EMID1: variants seen among roughly 807,000 people sequenced by gnomAD.
EMID1 encodes the protein EMI domain containing 1, also known as EMI domain-containing protein 1.
EMID1 carries 40 observed loss-of-function variants against 60.6 expected under a neutral mutation model. The ratio of observed to expected loss-of-function variants is 0.66; its 90% CI spans 0.51 to 0.86. The LOEUF is 0.86. Among genes scored for constraint, EMID1 ranks in the 40% least tolerant of loss-of-function variants. The pLI, the probability that EMID1 is intolerant of heterozygous loss-of-function variation, is 0.00. For missense variants in EMID1, 585 were observed against 597.1 expected (o/e 0.98, Z 0.21); for synonymous variants, 242 against 231.0 (o/e 1.05, Z -0.43).
rs1032375783 is a variant in EMID1 at position 29,210,844 on chromosome 22, CGT to C, written c.102-4070_102-4069del. Among the ~76,000 whole-genome samples, 4 of 151,922 alleles carry C rather than the reference CGT, an allele frequency of 2.6e-5. No individual in the cohort carries two copies. In the South Asian group the frequency reaches 8.3e-4, roughly 32 times the overall value. On this transcript the variant is annotated intron_variant, in intron 1 of 14. Transcript: ENST00000334018. ...CTGGGCATGTGAGGGCTGTTGTCCACGTGTGTGTGTGTGAGGGCAGATGGCTC... is the reference window on the plus strand; with the variant it reads ...CTGGGCATGTGAGGGCTGTTGTCCACGTGTGTGTGTGAGGGCAGATGGCTC...
intron 13 of EMID1, among the ~76,000 whole-genome samples, chr22:29,253,578 G>C (rs1023549149): frequency 6.6e-6 from 1 of 151,892 alleles, no homozygotes; most frequent in African/African-American, 2.4e-5. Flanking sequence ...GCAAAACTTC[G>C]TCTCAAAAAA....
chr22:29,206,272 C>T (rs2039648649), intron 1 of EMID1, 133 bp downstream of exon 1: 1 of 716,040 alleles, frequency 1.4e-6, no homozygotes, highest in African/African-American at 1.9e-5. Context: ...CACGGCCATC[C>T]CGCGGTCCGG....
chr22:29,218,669 C>T (rs2040174954), intron 3 of EMID1, among the ~76,000 whole-genome samples: 1 of 152,202 alleles, frequency 6.6e-6, no homozygotes, highest in Non-Finnish European at 1.5e-5. Flanking sequence ...GGCGCAATGC[C>T]AGGGCCATGT....
At chr22:29,231,465 A>C in intron 6 of EMID1, 128 bp from the exon 7 acceptor site, 3 of 1,017,278 alleles carry the variant, frequency 2.9e-6, no homozygotes, top group South Asian at 1.4e-5. Context: ...CAGGGCTGCC[A>C]GGAGCCATAG....
At chr22:29,216,486 T>G in intron 3 of EMID1, 1 of 985,326 alleles carries the variant, frequency 1.0e-6, no homozygotes, top group African/African-American at 1.7e-5. Context: ...CAGAGACAGC[T>G]CAAGGGACAG....
intron 1 of EMID1, among the ~76,000 whole-genome samples, chr22:29,208,068 G>A (rs556672380): frequency 6.6e-6 from 1 of 152,322 alleles, no homozygotes; most frequent in South Asian, 2.1e-4. Context: ...GGCCTCACCT[G>A]CAGTGGTTCC....
chr22:29,239,396 G>C (rs2041074971), intron 12 of EMID1, among the ~76,000 whole-genome samples: 1 of 151,844 alleles, frequency 6.6e-6, no homozygotes, highest in African/African-American at 2.4e-5. Context: ...CTCCCAAAGT[G>C]TTGGGATTAC....
intron 12 of EMID1, among the ~76,000 whole-genome samples, chr22:29,239,352 A>G (rs1049084014): frequency 8.9e-6 from 1 of 111,976 alleles, no homozygotes; most frequent in Admixed American, 8.3e-5. Context: ...GCTGGTCTCA[A>G]ACTCCTGAGT....
chr22:29,237,125 G>A (rs1004966145), intron 12 of EMID1, among the ~76,000 whole-genome samples: 2 of 146,164 alleles, frequency 1.4e-5, no homozygotes, highest in Non-Finnish European at 3.0e-5. Flanking sequence ...CTTGTTCTTT[G>A]TTCCTATTTT....
chr22:29,226,265 G>C lies in EMID1; in HGVS notation c.404-225G>C, dbSNP rs59120691. Among the ~76,000 whole-genome samples, 5,991 of 152,276 alleles carry C rather than the reference G, an allele frequency of 0.039. 406 individuals carry two copies. The highest frequency in any genetic ancestry group is 0.13 in the African/African-American group (5,592 of 41,536). ...GGTCAGGTCCCTGGTCCTGCTGCCGGAGAAGCAGGCCACTCTGGAGGCTCC... is the reference window on the plus strand; with the variant it reads ...GGTCAGGTCCCTGGTCCTGCTGCCGCAGAAGCAGGCCACTCTGGAGGCTCC... On this transcript the variant is annotated intron_variant, in intron 4 of 14. Transcript: ENST00000334018.
At chr22:29,256,786 G>C (rs2041723890) in intron 14 of EMID1, among the ~76,000 whole-genome samples, 1 of 152,172 alleles carries the variant, frequency 6.6e-6, no homozygotes, top group African/African-American at 2.4e-5. Flanking sequence ...ATCCCAATGA[G>C]TGTGCCAGGT....
At chr22:29,214,904 C>T in intron 1 of EMID1, 22 bp from the exon 2 acceptor site, 1 of 1,490,774 alleles carries the variant, frequency 6.7e-7, no homozygotes, top group Middle Eastern at 1.8e-4. Context: ...ACCTGAGTTT[C>T]CTCTCTTTGG....
intron 12 of EMID1, among the ~76,000 whole-genome samples, chr22:29,236,220 C>A (rs905639097): frequency 6.6e-6 from 1 of 151,942 alleles, no homozygotes; most frequent in Non-Finnish European, 1.5e-5. Context: ...AAAATGAGAC[C>A]CTTTTTCTAT....
chr22:29,231,351 A>T (rs917682557), intron 6 of EMID1: 2 of 863,346 alleles, frequency 2.3e-6, no homozygotes, highest in Non-Finnish European at 3.7e-6. Flanking sequence ...CAGCCCCAGC[A>T]GACCCTGCCT....
chr22:29,245,103 T>C (rs1041165013), intron 13 of EMID1, among the ~76,000 whole-genome samples: 6 of 152,104 alleles, frequency 3.9e-5, no homozygotes. Flanking sequence ...TGTCTGCCCA[T>C]GACTTCTGGT....
At chr22:29,253,820 T>G in intron 13 of EMID1, 1 of 715,814 alleles carries the variant, frequency 1.4e-6, no homozygotes, top group Non-Finnish European at 1.7e-6. Context: ...GTCATGCAGG[T>G]GTTGGGAGAG....
At chr22:29,216,381 C>G (rs1029094104) in intron 3 of EMID1, 1 of 985,440 alleles carries the variant, frequency 1.0e-6, no homozygotes, top group African/African-American at 1.7e-5. Context: ...CTGGCTGAAC[C>G]CATGAGCAGC....
intron 13 of EMID1, among the ~76,000 whole-genome samples, chr22:29,247,338 C>T (rs1374769993): frequency 6.6e-6 from 1 of 152,120 alleles, no homozygotes; most frequent in Non-Finnish European, 1.5e-5. Context: ...GTAGATGGAC[C>T]AATTATTGGT....
At chr22:29,255,418 C>T in intron 14 of EMID1, 2 of 1,292,892 alleles carry the variant, frequency 1.5e-6, no homozygotes, top group Non-Finnish European at 2.0e-6. Context: ...CTGGAAAAGG[C>T]CTGGGCATGC....
Sources: gnomAD v4.1 joint callset for allele counts (sites outside exome capture counted in the v4.1 genomes callset) on GRCh38, gnomAD v4.1.1 for gene constraint, MANE v1.5 for transcripts, NCBI Gene and HGNC (gene_info 2026-07-23, HGNC 2026-07-21) for gene names.